Variants in SNTG1 observed in about 807,000 individuals in gnomAD.
SNTG1 encodes the protein gamma-1-syntrophin.
A neutral mutation model predicts 74.7 loss-of-function variants in SNTG1; 39 were observed. The ratio of observed to expected loss-of-function variants is 0.52; its 90% CI spans 0.40 to 0.68. The LOEUF (loss-of-function observed/expected upper bound fraction) is 0.68, where lower values mean the gene tolerates loss of function less well. Ranked by LOEUF, SNTG1 falls within the 30% of genes least tolerant of loss-of-function variation. The pLI, the probability that SNTG1 is intolerant of heterozygous loss-of-function variation, is 0.00. For missense variants in SNTG1, 685 were observed against 609.5 expected, an observed-to-expected ratio of 1.12 and a Z score of -1.30; for synonymous variants, 254 against 217.1, an observed-to-expected ratio of 1.17 and a Z score of -1.49.
chr8:49,971,593 A>C (rs575329742), intron 1 of SNTG1, among the ~76,000 whole-genome samples: 6 of 152,272 alleles, frequency 3.9e-5, no homozygotes, highest in Admixed American at 6.5e-5. Flanking sequence ...TTGCGGATGA[A>C]ATGATTGTAT....
intron 1 of SNTG1, among the ~76,000 whole-genome samples, chr8:50,148,321 T>C (rs1036534447): frequency 6.6e-6 from 1 of 152,208 alleles, no homozygotes; most frequent in Non-Finnish European, 1.5e-5. Flanking sequence ...TTAATATCAC[T>C]ACTTTTGAGT....
At chr8:50,646,910 G>A (rs906778867) in intron 13 of SNTG1, among the ~76,000 whole-genome samples, 5 of 152,008 alleles carry the variant, frequency 3.3e-5, no homozygotes, top group East Asian at 3.9e-4. Context: ...AAGAAATAAA[G>A]TCAAACAAGT....
At chr8:50,296,662 T>C (rs1037248124) in intron 2 of SNTG1, among the ~76,000 whole-genome samples, 6 of 151,958 alleles carry the variant, frequency 3.9e-5, no homozygotes, top group Non-Finnish European at 4.4e-5. Context: ...ACCTAATGTA[T>C]GCAGGGCTTA....
intron 2 of SNTG1, among the ~76,000 whole-genome samples, chr8:50,269,522 A>T (rs2087664572): frequency 6.6e-6 from 1 of 152,108 alleles, no homozygotes; most frequent in Non-Finnish European, 1.5e-5. Context: ...ACTGCTTGCC[A>T]ATCTAAAATT....
intron 12 of SNTG1, among the ~76,000 whole-genome samples, 178 bp from the exon 13 acceptor site, chr8:50,590,701 C>A (rs13272259): frequency 1.1e-4 from 17 of 151,942 alleles, no homozygotes; most frequent in Middle Eastern, 3.4e-3. Flanking sequence ...ATTTTGATAG[C>A]CAATTTTAAA....
chr8:49,930,254 C>T lies in SNTG1; in HGVS notation c.-103+18023C>T, dbSNP rs1003275847. 6.9e-5 allele frequency among the ~76,000 whole-genome samples: 4 copies of T among 57,742 alleles called. No individual in the cohort carries two copies. In the Admixed American group the frequency reaches 8.3e-4, roughly 12 times the overall value. The allele number at this position is 57,742 out of a possible 152,430, so 37.9% of individuals were successfully genotyped here. A position where few individuals can be genotyped will look rare whatever the true frequency, so the allele number is the denominator to read the frequency against. Reference sequence around the variant, plus strand: ...AATACATAAAATAGAAAACCACATCCAGGAATAGTAAAAAAAATCATTCTT... The same window carrying T: ...AATACATAAAATAGAAAACCACATCTAGGAATAGTAAAAAAAATCATTCTT... On this transcript the variant is annotated intron_variant, in intron 1 of 18. Coordinates refer to ENST00000642720, the MANE Select transcript of SNTG1 (RefSeq NM_018967.5).
intron 8 of SNTG1, among the ~76,000 whole-genome samples, chr8:50,453,149 A>C (rs552953234): frequency 3.3e-5 from 5 of 152,328 alleles, no homozygotes; most frequent in African/African-American, 4.8e-5. Context: ...AGTCTTCAAA[A>C]GTGTAAATGT....
chr8:50,196,721 C>T (rs1484310930), intron 2 of SNTG1, among the ~76,000 whole-genome samples: 1 of 151,422 alleles, frequency 6.6e-6, no homozygotes, highest in East Asian at 1.9e-4. Flanking sequence ...CTTCGAGAAG[C>T]TGAGGCCGGT....
At chr8:50,008,744 A>C (rs1299733321) in intron 1 of SNTG1, among the ~76,000 whole-genome samples, 2 of 152,184 alleles carry the variant, frequency 1.3e-5, no homozygotes, top group Non-Finnish European at 2.9e-5. Context: ...TATGTCAGCC[A>C]CCTGTTTTGT....
chr8:50,545,604 TAAA>T, intron 11 of SNTG1, among the ~76,000 whole-genome samples: 1 of 151,524 alleles, frequency 6.6e-6, no homozygotes, highest in South Asian at 2.1e-4. Flanking sequence ...TGAATTTTAA[TAAA>T]AAAATTCATG....
intron 8 of SNTG1, among the ~76,000 whole-genome samples, chr8:50,487,785 A>T (rs572308259): frequency 8.3e-4 from 126 of 151,994 alleles, no homozygotes; most frequent in African/African-American, 2.3e-3. Flanking sequence ...ATGTATACAT[A>T]TGTAACTAAC....
intron 2 of SNTG1, among the ~76,000 whole-genome samples, chr8:50,217,242 A>G (rs2084834126): frequency 6.6e-6 from 1 of 152,102 alleles, no homozygotes; most frequent in African/African-American, 2.4e-5. Flanking sequence ...AATTTGTTTC[A>G]TATTGATGAT....
At position 50,794,573 on chromosome 8, in the gene SNTG1, C is replaced by A. The variant is rs2095700176; in HGVS notation, c.*1744C>A. ...TATTGCACACTATATTGATCAAATA[C>A]AACAGTCATTGTAAAATTGAAACCC... On this transcript the variant is annotated 3_prime_UTR_variant, in exon 19 of 19. Transcript: ENST00000642720. The A allele has an allele frequency of 6.6e-6, 1 of 151,932 alleles. No homozygotes were observed. The highest frequency in any genetic ancestry group is 6.6e-5 in the Admixed American group (1 of 15,218). 9.4% of individuals were successfully genotyped at this position (151,932 alleles called of 1,614,324 possible). A position where few individuals can be genotyped will look rare whatever the true frequency, so the allele number is the denominator to read the frequency against.
At chr8:50,333,237 G>A (rs1176685176) in intron 2 of SNTG1, among the ~76,000 whole-genome samples, 1 of 152,134 alleles carries the variant, frequency 6.6e-6, no homozygotes, top group Non-Finnish European at 1.5e-5. Flanking sequence ...TTATAAAATG[G>A]GAAGAGTGAA....
intron 18 of SNTG1, among the ~76,000 whole-genome samples, chr8:50,772,421 G>A (rs1470116125): frequency 6.6e-6 from 1 of 152,026 alleles, no homozygotes; most frequent in Non-Finnish European, 1.5e-5. Context: ...TTCCCTTTTA[G>A]AATAGGAACA....
chr8:50,544,179 TTA>T (rs1234622730), intron 11 of SNTG1, among the ~76,000 whole-genome samples: 1 of 152,056 alleles, frequency 6.6e-6, no homozygotes, highest in Non-Finnish European at 1.5e-5. Context: ...CGTGTTTTTG[TTA>T]TCATTTAAGT....
intron 2 of SNTG1, among the ~76,000 whole-genome samples, chr8:50,390,240 C>T (rs2092637612): frequency 6.6e-6 from 1 of 152,016 alleles, no homozygotes; most frequent in South Asian, 2.1e-4. Flanking sequence ...GTCTTTAATC[C>T]ATCTTGAATT....
At chr8:50,086,947 T>C (rs1822944040) in intron 1 of SNTG1, among the ~76,000 whole-genome samples, 1 of 152,186 alleles carries the variant, frequency 6.6e-6, no homozygotes, top group Admixed American at 6.5e-5. Flanking sequence ...TTTCAGAACA[T>C]TCTTTTTGAA....
At chr8:50,498,231 C>T (rs2093920974) in intron 8 of SNTG1, among the ~76,000 whole-genome samples, 1 of 151,838 alleles carries the variant, frequency 6.6e-6, no homozygotes, top group Admixed American at 6.6e-5. Context: ...AATTCTTAGT[C>T]TCTAAGCATT....
Sources: gnomAD v4.1 joint callset for allele counts (sites outside exome capture counted in the v4.1 genomes callset) on GRCh38, gnomAD v4.1.1 for gene constraint, MANE v1.5 for transcripts, NCBI Gene and HGNC (gene_info 2026-07-23, HGNC 2026-07-21) for gene names.